Variants in CADM2 observed in about 807,000 individuals in gnomAD.
CADM2 encodes the protein immunoglobulin superfamily member 4D.
CADM2 carries 12 observed loss-of-function variants against 49.8 expected under a neutral mutation model. That is an observed-to-expected ratio of 0.24 (90% CI 0.15 to 0.39). CADM2 has a LOEUF of 0.39. Among genes scored for constraint, CADM2 ranks in the 10% least tolerant of loss-of-function variants. The pLI, the probability that CADM2 is intolerant of heterozygous loss-of-function variation, is 1.00. For synonymous variants in CADM2, 214 were observed against 175.4 expected, an observed-to-expected ratio of 1.22 and a Z score of -1.74; for missense variants, 378 against 492.3, an observed-to-expected ratio of 0.77 and a Z score of 2.20.
At chr3:85,022,394 C>G (rs1445912636) in intron 1 of CADM2, among the ~76,000 whole-genome samples, 3 of 152,172 alleles carry the variant, frequency 2.0e-5, no homozygotes, top group Non-Finnish European at 4.4e-5. Context: ...GGGATTGCTC[C>G]TCTCTAGGTC....
chr3:85,623,547 A>G (rs1268127126), intron 1 of CADM2, among the ~76,000 whole-genome samples: 1 of 152,156 alleles, frequency 6.6e-6, no homozygotes, highest in East Asian at 1.9e-4. Context: ...TCCCAGGCTG[A>G]GAGTGAACAA....
chr3:85,869,119 T>G (rs547985631), intron 3 of CADM2, among the ~76,000 whole-genome samples: 65 of 152,302 alleles, frequency 4.3e-4, no homozygotes, highest in Non-Finnish European at 6.8e-4. Flanking sequence ...TCCCATTTAC[T>G]TTTTATTTAA....
At chr3:85,881,029 G>T (rs1412470354) in intron 3 of CADM2, among the ~76,000 whole-genome samples, 2 of 152,016 alleles carry the variant, frequency 1.3e-5, no homozygotes, top group Non-Finnish European at 2.9e-5. Context: ...ATCACTGATG[G>T]ATATTTTGTT....
chr3:85,605,251 C>A (rs1051212043), intron 1 of CADM2, among the ~76,000 whole-genome samples: 1 of 151,974 alleles, frequency 6.6e-6, no homozygotes, highest in Non-Finnish European at 1.5e-5. Context: ...AACTGAAGGA[C>A]CTCACAAAAC....
At chr3:85,478,888 T>A (rs2039091366) in intron 1 of CADM2, among the ~76,000 whole-genome samples, 2 of 151,924 alleles carry the variant, frequency 1.3e-5, no homozygotes, top group South Asian at 4.1e-4. Flanking sequence ...TTTTAAACAT[T>A]TATCAGTTAC....
chr3:85,758,553 C>T (rs1006277422), intron 2 of CADM2, among the ~76,000 whole-genome samples: 6 of 152,218 alleles, frequency 3.9e-5, no homozygotes, highest in African/African-American at 1.4e-4. Context: ...CAAATTTATT[C>T]ATACACTGTA....
intron 1 of CADM2, among the ~76,000 whole-genome samples, chr3:85,126,194 C>A (rs1467983365): frequency 4.6e-5 from 7 of 152,078 alleles, no homozygotes. Flanking sequence ...TGTATACAGG[C>A]AGAGTTTTCC....
chr3:85,069,652 C>T (rs1229278246), intron 1 of CADM2, among the ~76,000 whole-genome samples: 1 of 151,908 alleles, frequency 6.6e-6, no homozygotes, highest in African/African-American at 2.4e-5. Flanking sequence ...TTGTAATTTG[C>T]CATGCATTAA....
At chr3:85,452,787 A>C (rs1381608806) in intron 1 of CADM2, among the ~76,000 whole-genome samples, 1 of 152,180 alleles carries the variant, frequency 6.6e-6, no homozygotes, top group Non-Finnish European at 1.5e-5. Flanking sequence ...TCTCTTCTTT[A>C]AACAATGACC....
intron 1 of CADM2, among the ~76,000 whole-genome samples, chr3:85,610,803 T>C (rs1321001585): frequency 6.6e-6 from 1 of 151,994 alleles, no homozygotes; most frequent in Non-Finnish European, 1.5e-5. Flanking sequence ...ATAATTAATG[T>C]ATTAACTTTG....
chr3:85,921,028 T>G (rs1559743366), intron 6 of CADM2, among the ~76,000 whole-genome samples: 2 of 152,016 alleles, frequency 1.3e-5, no homozygotes, highest in East Asian at 3.9e-4. Context: ...ATGGAATGTA[T>G]GTATAGTACA....
At chr3:84,959,693 A>G in intron 1 of CADM2, 25 bp downstream of exon 1, 1 of 1,533,378 alleles carries the variant, frequency 6.5e-7, no homozygotes, top group Non-Finnish European at 8.7e-7. Flanking sequence ...GGCGCAGGGA[A>G]CATCAACTTC....
intron 1 of CADM2, among the ~76,000 whole-genome samples, chr3:85,559,072 T>C (rs1263845516): frequency 6.6e-6 from 1 of 152,126 alleles, no homozygotes; most frequent in Non-Finnish European, 1.5e-5. Context: ...AGATTATTTT[T>C]AAATACCTCT....
chr3:85,399,587 A>T (rs1217974536), intron 1 of CADM2, among the ~76,000 whole-genome samples: 1 of 152,080 alleles, frequency 6.6e-6, no homozygotes, highest in Non-Finnish European at 1.5e-5. Flanking sequence ...ATTTTCATGA[A>T]TTGATTCTTC....
chr3:85,981,330 G>A (rs1727459240), intron 8 of CADM2, among the ~76,000 whole-genome samples: 2 of 151,312 alleles, frequency 1.3e-5, no homozygotes, highest in Non-Finnish European at 3.0e-5. Flanking sequence ...ATCTTAAGTG[G>A]GATTTGGTCT....
intron 1 of CADM2, among the ~76,000 whole-genome samples, chr3:85,421,107 C>G (rs1197829841): frequency 6.6e-6 from 1 of 152,040 alleles, no homozygotes; most frequent in Non-Finnish European, 1.5e-5. Flanking sequence ...AAATGAGATG[C>G]TATAATGTGA....
At chr3:85,711,817 CTG>C (rs1237494694) in intron 1 of CADM2, among the ~76,000 whole-genome samples, 1 of 152,098 alleles carries the variant, frequency 6.6e-6, no homozygotes, top group Non-Finnish European at 1.5e-5. Context: ...AATATATGAA[CTG>C]TTACATATTA....
At chr3:86,000,888 GT>G (rs1370696834) in intron 8 of CADM2, among the ~76,000 whole-genome samples, 1 of 152,012 alleles carries the variant, frequency 6.6e-6, no homozygotes, top group Non-Finnish European at 1.5e-5. Context: ...GTCCTAATTG[GT>G]TTTTTAATAA....
chr3:86,023,255 C>A (rs917273616), intron 8 of CADM2, among the ~76,000 whole-genome samples: 8 of 152,188 alleles, frequency 5.3e-5, no homozygotes, highest in African/African-American at 1.9e-4. Flanking sequence ...GTACACACTG[C>A]CCTGTAAATT....
Sources: gnomAD v4.1 joint callset for allele counts (sites outside exome capture counted in the v4.1 genomes callset) on GRCh38, gnomAD v4.1.1 for gene constraint, MANE v1.5 for transcripts, NCBI Gene and HGNC (gene_info 2026-07-23, HGNC 2026-07-21) for gene names.